OVCH1: variants seen among roughly 807,000 people sequenced by gnomAD.
The protein encoded by OVCH1 is ovochymase 1.
A neutral mutation model predicts 138.4 loss-of-function variants in OVCH1; 139 were observed. The observed-to-expected ratio is 1.00, with a 90% CI of 0.87 to 1.16. The LOEUF (loss-of-function observed/expected upper bound fraction) is 1.16, where lower values mean the gene tolerates loss of function less well. Ranked by LOEUF, OVCH1 falls within the 50% of genes most tolerant of loss-of-function variation. The pLI, the probability that OVCH1 is intolerant of heterozygous loss-of-function variation, is 0.00. For missense variants in OVCH1, 1,367 were observed against 1,357.9 expected (o/e 1.01, Z -0.11); for synonymous variants, 453 against 467.8 (o/e 0.97, Z 0.41).
At chr12:29,476,970 T>TAA in intron 12 of OVCH1, 132 bp downstream of exon 12, 1 of 1,055,478 alleles carries the variant, frequency 9.5e-7, no homozygotes, top group Non-Finnish European at 1.3e-6. Flanking sequence ...CTTTTCAGAG[T>TAA]AAAAAAAAAT....
At chr12:29,485,030 ACTT>A (rs1943049015) in intron 8 of OVCH1, among the ~76,000 whole-genome samples, 1 of 152,204 alleles carries the variant, frequency 6.6e-6, no homozygotes. Context: ...TTTTAAAAAC[ACTT>A]CTTCAGATTT....
intron 8 of OVCH1, among the ~76,000 whole-genome samples, chr12:29,485,186 A>C (rs190640881): frequency 6.6e-6 from 1 of 152,128 alleles, no homozygotes; most frequent in Non-Finnish European, 1.5e-5. Context: ...AGCCTGGCCA[A>C]CATTAGTCAG....
chr12:29,464,733 C>T (rs756641461), intron 17 of OVCH1, 31 bp from the exon 18 acceptor site: 45 of 1,573,288 alleles, frequency 2.9e-5, no homozygotes, highest in East Asian at 9.0e-5. Flanking sequence ...CAAATTACAA[C>T]GTAAGAAAGT....
At chr12:29,477,294 C>A (rs891870804) in intron 11 of OVCH1, 47 bp downstream of exon 11, 1 of 1,613,394 alleles carries the variant, frequency 6.2e-7, no homozygotes, top group Non-Finnish European at 8.5e-7. Context: ...TCTTCCCCAC[C>A]CACATCAAGG....
At chr12:29,423,493 A>G (rs1941133344), downstream of OVCH1, among the ~76,000 whole-genome samples, 1 of 152,214 alleles carries the variant, frequency 6.6e-6, no homozygotes, top group Non-Finnish European at 1.5e-5. Context: ...AGCTTTTAAA[A>G]GATCAAAGGG....
chr12:29,411,232 T>G (rs1940951086), downstream of OVCH1, among the ~76,000 whole-genome samples: 2 of 131,966 alleles, frequency 1.5e-5, no homozygotes, highest in Admixed American at 1.8e-4. Context: ...AGTTTTTAAC[T>G]TCTTTGCCTT....
At chr12:29,402,635 T>G in the OVCH1 span, among the ~76,000 whole-genome samples, 1 of 147,560 alleles carries the variant, frequency 6.8e-6, no homozygotes. Context: ...GTATAAGAGA[T>G]TGGGGAGAGG....
At chr12:29,482,344 CT>C (rs1256438618) in intron 8 of OVCH1, among the ~76,000 whole-genome samples, 4 of 152,082 alleles carry the variant, frequency 2.6e-5, no homozygotes, top group African/African-American at 7.2e-5. Context: ...TATCCAAGTC[CT>C]TTTTTTCAAG....
At chr12:29,490,032 A>G (rs926094226) in intron 5 of OVCH1, among the ~76,000 whole-genome samples, 5 of 152,154 alleles carry the variant, frequency 3.3e-5, no homozygotes, top group African/African-American at 1.2e-4. Flanking sequence ...TTTCCCCAAA[A>G]GAGGAAAACT....
intron 16 of OVCH1, among the ~76,000 whole-genome samples, chr12:29,470,373 T>TCC (rs1942461397): frequency 6.6e-6 from 1 of 152,130 alleles, no homozygotes; most frequent in Non-Finnish European, 1.5e-5. Context: ...CCTAATGCTC[T>TCC]CCCTCCCCTT....
At chr12:29,483,234 T>C (rs1479666894) in intron 8 of OVCH1, among the ~76,000 whole-genome samples, 4 of 145,954 alleles carry the variant, frequency 2.7e-5, no homozygotes, top group Admixed American at 2.0e-4. Flanking sequence ...GTCTAAACAT[T>C]GTACCCTAGA....
chr12:29,450,472 TCTCA>T (rs1302542785), intron 22 of OVCH1, among the ~76,000 whole-genome samples: 1 of 152,120 alleles, frequency 6.6e-6, no homozygotes, highest in Non-Finnish European at 1.5e-5. Context: ...TAAGATACCA[TCTCA>T]CTCCAGTTAG....
At chr12:29,417,252 A>G (rs1013323530) in intron 3 of OVCH1, among the ~76,000 whole-genome samples, 6 of 152,100 alleles carry the variant, frequency 3.9e-5, no homozygotes, top group African/African-American at 1.4e-4. Flanking sequence ...CAGGAGTTCG[A>G]GACCAACCTG....
At chr12:29,479,583 G>C (rs1329229447) in intron 8 of OVCH1, among the ~76,000 whole-genome samples, 2 of 152,022 alleles carry the variant, frequency 1.3e-5, no homozygotes, top group African/African-American at 2.4e-5. Context: ...ATAAATCCTA[G>C]CTTCTTCCAT....
At chr12:29,493,289 G>A (rs1322731498) in intron 4 of OVCH1, among the ~76,000 whole-genome samples, 3 of 152,008 alleles carry the variant, frequency 2.0e-5, no homozygotes, top group African/African-American at 7.2e-5. Flanking sequence ...ATAACATTCC[G>A]TTTTTGGTAA....
At chr12:29,451,533 C>T (rs945143232) in exon 22 of OVCH1, 4 of 1,612,568 alleles carry the variant, frequency 2.5e-6, no homozygotes, top group African/African-American at 1.3e-5. Context: ...GGGAAAAAAG[C>T]CTCTAGGCTT....
At chr12:29,489,622 G>C (rs781281389) in exon 6 of OVCH1, 1 of 1,604,468 alleles carries the variant, frequency 6.2e-7, no homozygotes, top group South Asian at 1.1e-5. Flanking sequence ...TTTTGTACCT[G>C]GCAGGCGTCC....
intron 3 of OVCH1, among the ~76,000 whole-genome samples, chr12:29,419,677 A>G (rs930331895): frequency 6.6e-6 from 1 of 152,094 alleles, no homozygotes; most frequent in African/African-American, 2.4e-5. Context: ...GATGTTATAC[A>G]CTTATATAAT....
At chr12:29,439,624 C>G (rs1202495180) in intron 25 of OVCH1, among the ~76,000 whole-genome samples, 2 of 152,140 alleles carry the variant, frequency 1.3e-5, no homozygotes, top group Non-Finnish European at 2.9e-5. Context: ...GGGTATCTTA[C>G]AATTCAATTC....
Sources: gnomAD v4.1 joint callset for allele counts (sites outside exome capture counted in the v4.1 genomes callset) on GRCh38, gnomAD v4.1.1 for gene constraint, MANE v1.5 for transcripts, NCBI Gene and HGNC (gene_info 2026-07-23, HGNC 2026-07-21) for gene names.